The following PTCD3 variants were observed in gnomAD, a reference collection of about 807,000 sequenced individuals.
The protein encoded by PTCD3 is small ribosomal subunit protein mS39.
Under a neutral mutation model 101.9 loss-of-function variants are expected in PTCD3, and 89 were observed. The ratio of observed to expected loss-of-function variants is 0.87; its 90% CI spans 0.74 to 1.04. PTCD3 has a LOEUF of 1.04. PTCD3 is among the 50% of genes least tolerant of loss of function. The pLI, the probability that PTCD3 is intolerant of heterozygous loss-of-function variation, is 0.00. For synonymous variants in PTCD3, 296 were observed against 278.5 expected (o/e 1.06, Z -0.63); for missense variants, 870 against 828.2 (o/e 1.05, Z -0.62).
At chr2:86,108,600 G>A in intron 3 of PTCD3, 64 bp downstream of exon 3, 1 of 1,427,726 alleles carries the variant, frequency 7.0e-7, no homozygotes, top group South Asian at 1.4e-5. Flanking sequence ...GAAGTGTAAG[G>A]GTTAGGTAAG....
At chr2:86,106,393 C>G in intron 1 of PTCD3, 42 bp downstream of exon 1, 1 of 1,576,442 alleles carries the variant, frequency 6.3e-7, no homozygotes, top group Non-Finnish European at 8.7e-7. Flanking sequence ...ACCGCGGAGT[C>G]ACCTTAGTCC....
chr2:86,133,875 T>C (rs970276181), intron 19 of PTCD3, among the ~76,000 whole-genome samples: 1 of 152,236 alleles, frequency 6.6e-6, no homozygotes, highest in Non-Finnish European at 1.5e-5. Context: ...GTGTGTCTTA[T>C]GTGTATAACT....
intron 11 of PTCD3, 54 bp from the exon 12 acceptor site, chr2:86,125,741 G>T: frequency 7.3e-7 from 1 of 1,362,824 alleles, no homozygotes; most frequent in Admixed American, 1.8e-5. Context: ...CTTAAACTCA[G>T]CCATTTAGGG....
At chr2:86,106,458 CGCCCTTAACGGTCGCGT>C (rs1462688345) in intron 1 of PTCD3, 107 bp downstream of exon 1, 1 of 1,167,620 alleles carries the variant, frequency 8.6e-7, no homozygotes, top group African/African-American at 1.5e-5. Context: ...TGCTCATGCG[CGCCCTTAACGGTCGCGT>C]GCCCTTAAGA....
At chr2:86,127,331 G>T (rs1012186479) in intron 13 of PTCD3, 26 bp downstream of exon 13, 3 of 1,608,292 alleles carry the variant, frequency 1.9e-6, no homozygotes, top group Non-Finnish European at 1.7e-6. Flanking sequence ...TGAGTTCTCT[G>T]AGGACAGAGA....
chr2:86,123,807 T>G, intron 9 of PTCD3, 45 bp downstream of exon 9: 525 of 1,332,400 alleles, frequency 3.9e-4, no homozygotes, highest in Non-Finnish European at 5.0e-4. Context: ...TGTCTTACAG[T>G]GCATGGAATA....
rs138830850 is a variant in PTCD3, at chr2:86,127,274, G to C, written c.1065G>C (p.Gln355His). The C allele has an allele frequency of 6.2e-7, 1 of 1,614,010 alleles. No individual in the cohort carries two copies. Among genetic ancestry groups the C allele is most frequent in the African/African-American group, 1.3e-5 (1 of 74,940 alleles). ...TGTTTGCAAGATCGCCAGCCTTACA[G>C]GTTTTACGTGAAATGAAAGCCATTG... ...FHVFARSPAL[Q>H]VLREMKAIGI... Residue 355 changes from glutamine to histidine, a missense_variant, in exon 13 of 24, where the codon CAG becomes CAC. Transcript: ENST00000254630.
At chr2:86,136,493 T>G (rs186292728) in intron 21 of PTCD3, 28 bp from the exon 22 acceptor site, 27 of 1,585,908 alleles carry the variant, frequency 1.7e-5, no homozygotes, top group Non-Finnish European at 2.3e-5. Flanking sequence ...TCTAATAGTA[T>G]TCATAATCTT....
intron 21 of PTCD3, chr2:86,135,286 A>G (rs1674566383): frequency 4.2e-6 from 1 of 239,012 alleles, no homozygotes. Context: ...TCAAAGAAAT[A>G]TATGATCAAA....
rs1674638266 is a variant in PTCD3 at position 86,138,745 on chromosome 2, A to G, written c.*1186A>G. 6.6e-6 allele frequency: 1 copy of G among 151,566 alleles called. No individual in the cohort carries two copies. The highest frequency in any genetic ancestry group is 2.1e-4 in the South Asian group (1 of 4,806). 9.4% of individuals were successfully genotyped at this position (151,566 alleles called of 1,614,324 possible). A position where few individuals can be genotyped will look rare whatever the true frequency, so the allele number is the denominator to read the frequency against. ...CATGGGTATTGCTCCATATCAAAGC[A>G]GATTTGCAGGACAGAGAGAGTAAAT... On this transcript the variant is annotated 3_prime_UTR_variant, in exon 24 of 24. Transcript: ENST00000254630.
chr2:86,122,121 GT>G (rs1406520638), intron 8 of PTCD3, among the ~76,000 whole-genome samples: 1 of 152,148 alleles, frequency 6.6e-6, no homozygotes, highest in Non-Finnish European at 1.5e-5. Flanking sequence ...TCATGAGGAG[GT>G]ATTTATACTT....
chr2:86,132,223 CATT>C, intron 16 of PTCD3, 92 bp from the exon 17 acceptor site: 2 of 686,618 alleles, frequency 2.9e-6, no homozygotes, highest in Admixed American at 2.7e-5. Flanking sequence ...GTTGAATCAA[CATT>C]ATTTTCACAA....
intron 4 of PTCD3, among the ~76,000 whole-genome samples, chr2:86,114,319 C>G (rs1674142894): frequency 1.3e-5 from 2 of 151,592 alleles, no homozygotes; most frequent in Non-Finnish European, 2.9e-5. Context: ...ACGGAGTCTC[C>G]CTCTGTCACC....
chr2:86,128,910 T>C (rs1674446435), intron 14 of PTCD3, among the ~76,000 whole-genome samples: 1 of 152,358 alleles, frequency 6.6e-6, no homozygotes, highest in East Asian at 1.9e-4. Flanking sequence ...TCAAAATCTT[T>C]TGGTTCTTGT....
intron 17 of PTCD3, 80 bp downstream of exon 17, chr2:86,132,504 TCA>T: frequency 1.1e-6 from 1 of 943,292 alleles, no homozygotes; most frequent in Non-Finnish European, 1.7e-6. Context: ...CCTTCATACC[TCA>T]CCTCTGGTTT....
rs191435720 is a variant in PTCD3, at chr2:86,123,920, C to T, written c.716+158C>T. ...TATTTGTATTCATACACATTTAGAC[C>T]GTTTTTCAATAAGGTCTTTATCTCC... is the stretch of plus-strand genomic sequence containing the variant. On this transcript the variant is annotated intron_variant, in intron 9 of 23. Transcript: ENST00000254630. 8.7e-4 allele frequency among the ~76,000 whole-genome samples: 132 copies of T among 152,164 alleles called. 1 individual carries two copies. Among genetic ancestry groups the T allele is most frequent in the Non-Finnish European group, 3.1e-4 (21 of 68,002 alleles).
chr2:86,132,559 A>G (rs1674512002), intron 17 of PTCD3, 135 bp downstream of exon 17: 2 of 561,098 alleles, frequency 3.6e-6, no homozygotes, highest in Non-Finnish European at 6.2e-6. Flanking sequence ...TTAATTGAGC[A>G]CTTAGGAATT....
intron 3 of PTCD3, among the ~76,000 whole-genome samples, chr2:86,109,433 T>TTA (rs1674035248): frequency 6.6e-6 from 1 of 152,048 alleles, no homozygotes; most frequent in Admixed American, 6.6e-5. Context: ...TTGGGTTCAT[T>TTA]TAAAAAGACT....
rs762537111 is a variant in PTCD3, at chr2:86,106,287, A to C, written c.40A>C (p.Ser14Arg). The change falls in exon 1 of 24, where the codon AGC becomes CGC. Residue 14 changes from serine (S) to arginine (R), a missense_variant. Physicochemically the swap from Ser to Arg is moderately radical, Grantham distance 110. Transcript: ENST00000254630. ...VSAVRWLGLR[S>R]RLGQPLTGRR... ...TGCTGTTCGCTGGCTGGGCCTCCGC[A>C]GCAGGCTTGGCCAGCCGCTGACGGG... The C allele has an allele frequency of 2.1e-5, 34 of 1,613,588 alleles. No individual in the cohort carries two copies. Among genetic ancestry groups the C allele is most frequent in the Non-Finnish European group, 2.8e-5 (33 of 1,179,974 alleles).
Sources: allele counts gnomAD v4.1 joint callset (sites outside exome capture counted in the v4.1 genomes callset), GRCh38; gene constraint gnomAD v4.1.1; transcripts MANE v1.5; gene names NCBI Gene and HGNC (gene_info 2026-07-23, HGNC 2026-07-21).